Variants in PSIP1 observed in about 807,000 individuals in gnomAD.
PSIP1 encodes the protein PC4 and SRSF1 interacting protein 1.
A neutral mutation model predicts 74.7 loss-of-function variants in PSIP1; 19 were observed. The ratio of observed to expected loss-of-function variants is 0.25; its 90% CI spans 0.18 to 0.37. The LOEUF (loss-of-function observed/expected upper bound fraction) is 0.37, where lower values mean the gene tolerates loss of function less well. Ranked by LOEUF, PSIP1 falls within the 10% of genes least tolerant of loss-of-function variation. The pLI is 1.00. For synonymous variants in PSIP1, 222 were observed against 195.3 expected (o/e 1.14, Z -1.14); for missense variants, 601 against 614.3 (o/e 0.98, Z 0.23).
At chr9:15,507,009 A>G (rs1379777987) in intron 2 of PSIP1, among the ~76,000 whole-genome samples, 1 of 152,258 alleles carries the variant, frequency 6.6e-6, no homozygotes, top group Non-Finnish European at 1.5e-5. Flanking sequence ...ATTGTTAATC[A>G]TATCATTTCA....
chr9:15,504,452 T>C (rs2037490122), intron 3 of PSIP1, among the ~76,000 whole-genome samples: 1 of 152,158 alleles, frequency 6.6e-6, no homozygotes, highest in African/African-American at 2.4e-5. Flanking sequence ...TGTAAGACTA[T>C]CAGGATATAT....
rs145017529 is a variant in PSIP1, at chr9:15,466,801, G to A, written c.1479C>T (p.Asn493=). The change falls in exon 15 of 16, where the codon AAC becomes AAT. Residue 493 remains asparagine, a synonymous_variant. Transcript: ENST00000380733. The part of the protein sequence containing the change: ...DAQDGNQPQH[N]GESNEDSKDN... ...CTTTGCTGTCTTCATTGCTCTCCCC[G>A]TTATGTTGTGGCTGATTACCATCTT... The A allele has an allele frequency of 2.0e-4, 315 of 1,613,260 alleles. 2 individuals carry two copies. In the African/African-American group the frequency reaches 3.2e-3, roughly 16 times the overall value.
chr9:15,495,322 C>A (rs888372800), intron 3 of PSIP1, among the ~76,000 whole-genome samples: 1 of 151,926 alleles, frequency 6.6e-6, no homozygotes, highest in African/African-American at 2.4e-5. Flanking sequence ...TTACATGAAT[C>A]ATTTTTCTTA....
At chr9:15,486,403 G>C (rs943601588) in intron 5 of PSIP1, among the ~76,000 whole-genome samples, 48 of 152,272 alleles carry the variant, frequency 3.2e-4, no homozygotes, top group African/African-American at 9.9e-4. Context: ...GGACATTGAA[G>C]ATCATCTAAC....
Position 15,487,300 on chromosome 9 carries a change from A to G in PSIP1, c.289-369T>C, listed in dbSNP as rs12377167. Among the ~76,000 whole-genome samples, 633 of 152,196 alleles carry G rather than the reference A, an allele frequency of 4.2e-3. 5 individuals carry two copies. Among genetic ancestry groups the G allele is most frequent in the Non-Finnish European group, 7.0e-3 (474 of 68,004 alleles). On this transcript the variant is annotated intron_variant, in intron 4 of 15. Transcript: ENST00000380733. Reference sequence around the variant, plus strand: ...ATCACAGGACAAATGATCCAAGAGAAATTACAAAACGTAGTTGGGCACTGT... The same window carrying G: ...ATCACAGGACAAATGATCCAAGAGAGATTACAAAACGTAGTTGGGCACTGT...
rs112045604 is a variant in PSIP1 at position 15,479,297 on chromosome 9, T to A, written c.553+294A>T. Among the ~76,000 whole-genome samples, 16 of 152,302 alleles carry A rather than the reference T, an allele frequency of 1.1e-4. 2 individuals are homozygous for A. Among genetic ancestry groups the A allele is most frequent in the East Asian group, 7.7e-4 (4 of 5,188 alleles). On this transcript the variant is annotated intron_variant, in intron 7 of 15. Coordinates refer to ENST00000380733, the MANE Select transcript of PSIP1 (RefSeq NM_033222.5). ...TGATTATAACTCCATTTTGAAATCT[T>A]ACGACTCTTAAGTGAAAGGTAAAAT...
chr9:15,500,392 G>C (rs2037284149), intron 3 of PSIP1, among the ~76,000 whole-genome samples: 1 of 152,072 alleles, frequency 6.6e-6, no homozygotes, highest in Admixed American at 6.5e-5. Flanking sequence ...ATGAACCCAG[G>C]AGGCAGACCT....
chr9:15,496,949 T>C (rs1563892747), intron 3 of PSIP1, among the ~76,000 whole-genome samples: 1 of 152,134 alleles, frequency 6.6e-6, no homozygotes, highest in African/African-American at 2.4e-5. Context: ...GTGGAGAAAT[T>C]GGAACCCTCC....
chr9:15,464,875 T>G lies in PSIP1; in HGVS notation c.*645A>C. Reference sequence around the variant, plus strand: ...TAAATTACCTTCAAAAATTAATGTTTTATAGTTTGTAGAATTCTCAGTTCC... The same window carrying G: ...TAAATTACCTTCAAAAATTAATGTTGTATAGTTTGTAGAATTCTCAGTTCC... On this transcript the variant is annotated 3_prime_UTR_variant, in exon 16 of 16. Coordinates refer to ENST00000380733, the MANE Select transcript of PSIP1 (RefSeq NM_033222.5). 4.7e-6 allele frequency: 1 copy of G among 211,136 alleles called. No homozygotes were observed. The highest frequency in any genetic ancestry group is 7.2e-5 in the East Asian group (1 of 13,980). 13.1% of individuals were successfully genotyped at this position (211,136 alleles called of 1,614,324 possible).
At chr9:15,472,888 C>T (rs1200471119) in intron 9 of PSIP1, 138 bp from the exon 10 acceptor site, 5 of 742,890 alleles carry the variant, frequency 6.7e-6, no homozygotes, top group Admixed American at 5.9e-5. Flanking sequence ...TAAAAATAGT[C>T]TTTGAATTAC....
intron 3 of PSIP1, among the ~76,000 whole-genome samples, chr9:15,501,362 CTCT>C (rs2132211462): frequency 6.6e-6 from 1 of 151,064 alleles, no homozygotes; most frequent in African/African-American, 2.4e-5. Flanking sequence ...GCTGATCCAG[CTCT>C]TCGAGTGTGG....
chr9:15,477,266 T>G (rs534781081), intron 8 of PSIP1, among the ~76,000 whole-genome samples: 63 of 152,342 alleles, frequency 4.1e-4, no homozygotes, highest in African/African-American at 1.4e-3. Flanking sequence ...ACACAATGTT[T>G]TGATGTACGT....
chr9:15,489,592 G>C, intron 4 of PSIP1, among the ~76,000 whole-genome samples: 1 of 106,598 alleles, frequency 9.4e-6, no homozygotes, highest in South Asian at 2.8e-4. Flanking sequence ...TGGGCAACAA[G>C]AGCGAAACTA....
chr9:15,467,159 T>C (rs1242246714), intron 14 of PSIP1, among the ~76,000 whole-genome samples: 1 of 152,202 alleles, frequency 6.6e-6, no homozygotes, highest in East Asian at 1.9e-4. Flanking sequence ...TTATTCTGGT[T>C]GTTACTATTA....
intron 3 of PSIP1, among the ~76,000 whole-genome samples, chr9:15,499,647 G>A (rs966176610): frequency 5.9e-5 from 9 of 152,188 alleles, no homozygotes; most frequent in African/African-American, 2.2e-4. Context: ...GCTGAGGTGG[G>A]AGGAACATTT....
chr9:15,485,980 C>G (rs773972761), intron 6 of PSIP1, 26 bp downstream of exon 6: 1 of 1,566,316 alleles, frequency 6.4e-7, no homozygotes. Context: ...TTCAGATCCC[C>G]ATGGTTGGTA....
chr9:15,469,823 C>CT lies in PSIP1; in HGVS notation c.1033+114dup, dbSNP rs1164800664. 3.6e-6 allele frequency: 3 copies of CT among 843,834 alleles called. No individual in the cohort carries two copies. The Admixed American group carries it at 8.1e-5, about 23-fold the overall frequency. 52.3% of individuals were successfully genotyped at this position (843,834 alleles called of 1,614,324 possible). A position where few individuals can be genotyped will look rare whatever the true frequency, so the allele number is the denominator to read the frequency against. ...AAGCCCATTAGGGATTTGAAAAATT[C>CT]TATTTGTAGGATATGAGTATAAAAT... On this transcript the variant is annotated intron_variant, in intron 11 of 15. Coordinates refer to ENST00000380733, the MANE Select transcript of PSIP1 (RefSeq NM_033222.5).
In PSIP1 at chr9:15,494,554, A is replaced by G. The variant is rs549331947; in HGVS notation, c.150-4430T>C. Reference sequence around the variant, plus strand: ...CACTCCAGCCTGGGCAACAAGAGCAAAACTGCATCTCAAAAAAAAAAAAAA... The same window carrying G: ...CACTCCAGCCTGGGCAACAAGAGCAGAACTGCATCTCAAAAAAAAAAAAAA... On this transcript the variant is annotated intron_variant, in intron 3 of 15. Transcript: ENST00000380733. Among the ~76,000 whole-genome samples, 5 of 145,562 alleles carry G rather than the reference A, an allele frequency of 3.4e-5. No individual in the cohort carries two copies. In the South Asian group the frequency reaches 1.1e-3, roughly 33 times the overall value.
chr9:15,506,311 CATCA>C (rs905915135), intron 3 of PSIP1: 19 of 339,722 alleles, frequency 5.6e-5, no homozygotes, highest in Non-Finnish European at 7.0e-5. Flanking sequence ...TATTTTCATC[CATCA>C]ATCATTCTTA....
Sources: allele counts gnomAD v4.1 joint callset (sites outside exome capture counted in the v4.1 genomes callset), GRCh38; gene constraint gnomAD v4.1.1; transcripts MANE v1.5; gene names NCBI Gene and HGNC (gene_info 2026-07-23, HGNC 2026-07-21).